AKAP1: variants seen among roughly 807,000 people sequenced by gnomAD.
AKAP1 encodes the protein A-kinase anchor protein 1, mitochondrial.
AKAP1 carries 32 observed loss-of-function variants against 79.8 expected under a neutral mutation model. That is an observed-to-expected ratio of 0.40 (90% CI 0.30 to 0.54). The LOEUF (loss-of-function observed/expected upper bound fraction) is 0.54, where lower values mean the gene tolerates loss of function less well. Among genes scored for constraint, AKAP1 ranks in the 20% least tolerant of loss-of-function variants. The pLI is 0.47. For missense variants in AKAP1, 961 were observed against 1,138.9 expected (o/e 0.84, Z 2.25); for synonymous variants, 416 against 466.7 (o/e 0.89, Z 1.40).
chr17:57,089,891 T>C (rs1290264722), intron 1 of AKAP1, among the ~76,000 whole-genome samples: 1 of 152,220 alleles, frequency 6.6e-6, no homozygotes, highest in Non-Finnish European at 1.5e-5. Flanking sequence ...GCCCTTTTGG[T>C]TTGAAGCCGT....
At chr17:57,088,614 C>T (rs2144617208) in intron 1 of AKAP1, among the ~76,000 whole-genome samples, 1 of 152,230 alleles carries the variant, frequency 6.6e-6, no homozygotes, top group South Asian at 2.1e-4. Flanking sequence ...GTGAGAAGAA[C>T]CAAGGAATAT....
chr17:57,094,531 T>C (rs1913977355), intron 1 of AKAP1: 1 of 151,956 alleles, frequency 6.6e-6, no homozygotes, highest in South Asian at 2.1e-4. Flanking sequence ...AGGTCTGGCT[T>C]CACTTTTTAG....
chr17:57,109,154 T>C (rs978041823), intron 2 of AKAP1, among the ~76,000 whole-genome samples: 1 of 152,226 alleles, frequency 6.6e-6, no homozygotes, highest in East Asian at 1.9e-4. Flanking sequence ...GTAACCTAAT[T>C]GGTAGACTCT....
Position 57,098,927 on chromosome 17 carries a change from A to AT in AKAP1, c.-24-6500dup, listed in dbSNP as rs33944971. ...CAGGTGCCCGCCACCAAGCCCCGCTATTTTTTTTTTTTTTGTATTTTTAGT... is the reference window on the plus strand; with the variant it reads ...CAGGTGCCCGCCACCAAGCCCCGCTATTTTTTTTTTTTTTTGTATTTTTAGT... On this transcript the variant is annotated intron_variant, in intron 1 of 10. Transcript: ENST00000337714. 3.4e-3 allele frequency among the ~76,000 whole-genome samples: 506 copies of AT among 146,946 alleles called. 4 individuals carry two copies. Among genetic ancestry groups the AT allele is most frequent in the African/African-American group, 8.2e-3 (324 of 39,578 alleles).
chr17:57,091,227 C>G (rs937591699), intron 1 of AKAP1, among the ~76,000 whole-genome samples: 1 of 152,326 alleles, frequency 6.6e-6, no homozygotes, highest in East Asian at 1.9e-4. Flanking sequence ...GAGAAAAGGC[C>G]GTGCTGCAAA....
Position 57,120,125 on chromosome 17 carries a change from C to T in AKAP1, c.2638-125C>T, listed in dbSNP as rs1025138797. The T allele has an allele frequency of 3.7e-6, 3 of 810,582 alleles. No individual in the cohort carries two copies. In the African/African-American group the frequency reaches 5.2e-5, roughly 14 times the overall value. 50.2% of individuals were successfully genotyped at this position (810,582 alleles called of 1,614,324 possible). A position where few individuals can be genotyped will look rare whatever the true frequency, so the allele number is the denominator to read the frequency against. On this transcript the variant is annotated intron_variant, in intron 10 of 10. Coordinates refer to ENST00000337714, the MANE Select transcript of AKAP1 (RefSeq NM_003488.4). ...ACAGGCATGAGCCACTGCGTCTGGC[C>T]TACACTGTTACTCTCATACATCTGT...
intron 8 of AKAP1, 69 bp from the exon 9 acceptor site, chr17:57,118,312 T>C: frequency 1.4e-6 from 2 of 1,446,764 alleles, no homozygotes; most frequent in Non-Finnish European, 1.9e-6. Context: ...CACCTGAAAC[T>C]TGTGTACATG....
rs188081767 is a variant in AKAP1, at chr17:57,118,533, G to T, written c.2574+79G>T. 92 of 1,453,618 alleles carry T rather than the reference G, an allele frequency of 6.3e-5. 1 individual carries two copies. In the East Asian group the frequency reaches 2.0e-3, roughly 32 times the overall value. The allele number at this position is 1,453,618 out of a possible 1,614,324, so 90.0% of individuals were successfully genotyped here. A position where few individuals can be genotyped will look rare whatever the true frequency, so the allele number is the denominator to read the frequency against. On this transcript the variant is annotated intron_variant, in intron 9 of 10. Coordinates refer to ENST00000337714, the MANE Select transcript of AKAP1 (RefSeq NM_003488.4). The stretch of plus-strand genomic sequence containing the variant: ...ACCTTTCAATGCCTTCTTTCCTGTG[G>T]CTTGGCCCTGGATTGACCAGCAGTA...
intron 1 of AKAP1, among the ~76,000 whole-genome samples, chr17:57,087,374 G>GT (rs1913525314): frequency 6.6e-6 from 1 of 152,098 alleles, no homozygotes; most frequent in Non-Finnish European, 1.5e-5. Flanking sequence ...GGTGTCTGTT[G>GT]TAAGTGGCCT....
chr17:57,118,539 C>G, intron 9 of AKAP1, 85 bp downstream of exon 9: 1 of 1,397,718 alleles, frequency 7.2e-7, no homozygotes, highest in Non-Finnish European at 1.0e-6. Context: ...TGTGGCTTGG[C>G]CCTGGATTGA....
intron 8 of AKAP1, among the ~76,000 whole-genome samples, chr17:57,117,695 C>G (rs954575735): frequency 2.0e-4 from 25 of 123,052 alleles, no homozygotes; most frequent in African/African-American, 6.6e-4. Flanking sequence ...CCTCCTTCCT[C>G]TCTGCTTCTG....
chr17:57,094,245 T>C (rs1375178232), intron 1 of AKAP1: 1 of 152,306 alleles, frequency 6.6e-6, no homozygotes, highest in African/African-American at 2.4e-5. Context: ...TTTCCCTGGC[T>C]CTGCTTCCCC....
rs139199144 is a variant in AKAP1 at position 57,113,846 on chromosome 17, A to C, written c.2104-613A>C. 1.4e-3 allele frequency among the ~76,000 whole-genome samples: 217 copies of C among 152,024 alleles called. 1 individual carries two copies. Among genetic ancestry groups the C allele is most frequent in the African/African-American group, 4.8e-3 (198 of 41,492 alleles). ...TTGAACTCCTGACCTCAGGAGGGTA[A>C]GCAGTAGGAGGGAGAGCAAATAGGA... On this transcript the variant is annotated intron_variant, in intron 5 of 10. Coordinates refer to ENST00000337714, the MANE Select transcript of AKAP1 (RefSeq NM_003488.4).
intron 3 of AKAP1, among the ~76,000 whole-genome samples, chr17:57,111,167 C>T (rs1312897013): frequency 1.3e-5 from 2 of 152,128 alleles, no homozygotes; most frequent in Non-Finnish European, 2.9e-5. Context: ...GGGTCGTTGG[C>T]GGTTGTGTGG....
chr17:57,097,312 A>G (rs1419948156), intron 1 of AKAP1, among the ~76,000 whole-genome samples: 1 of 152,074 alleles, frequency 6.6e-6, no homozygotes, highest in Non-Finnish European at 1.5e-5. Context: ...TGTGTGAGTG[A>G]GTGAGAGAGA....
intron 1 of AKAP1, among the ~76,000 whole-genome samples, chr17:57,090,355 A>G (rs1044765178): frequency 6.6e-6 from 1 of 151,328 alleles, no homozygotes; most frequent in African/African-American, 2.4e-5. Context: ...TGTCAGCCCT[A>G]TGAGGTTAGT....
intron 3 of AKAP1, 57 bp downstream of exon 3, chr17:57,110,215 A>G (rs768246680): frequency 8.8e-6 from 14 of 1,599,178 alleles, no homozygotes; most frequent in Non-Finnish European, 1.1e-5. Context: ...CCCTGGGGCC[A>G]GGGCCATTAG....
chr17:57,112,823 C>G (rs962440690), intron 5 of AKAP1, among the ~76,000 whole-genome samples: 4 of 152,242 alleles, frequency 2.6e-5, no homozygotes, highest in Non-Finnish European at 5.9e-5. Flanking sequence ...GGCAGGAAAC[C>G]AGAGGCCTCT....
chr17:57,113,964 C>T (rs1272626065), intron 5 of AKAP1, among the ~76,000 whole-genome samples: 1 of 152,142 alleles, frequency 6.6e-6, no homozygotes, highest in Non-Finnish European at 1.5e-5. Context: ...CCATAGGCTC[C>T]TGGGGTTGTC....
Sources: allele counts gnomAD v4.1 joint callset (sites outside exome capture counted in the v4.1 genomes callset), GRCh38; gene constraint gnomAD v4.1.1; transcripts MANE v1.5; gene names NCBI Gene and HGNC (gene_info 2026-07-23, HGNC 2026-07-21).